Variants in PRX observed in about 807,000 individuals in gnomAD.
PRX encodes the protein periaxin.
In PRX, 24 loss-of-function variants were observed where a neutral mutation model predicts 29.6. The observed-to-expected ratio is 0.81, with a 90% CI of 0.59 to 1.14. The LOEUF is 1.14. Among genes scored for constraint, PRX ranks in the 50% most tolerant of loss-of-function variants. The pLI is 0.00. For synonymous variants in PRX, 772 were observed against 831.7 expected, an observed-to-expected ratio of 0.93 and a Z score of 1.24; for missense variants, 1,838 against 1,926.4, an observed-to-expected ratio of 0.95 and a Z score of 0.86.
intron 1 of PRX, among the ~76,000 whole-genome samples, chr19:40,412,373 A>G (rs968131675): frequency 2.0e-5 from 3 of 152,300 alleles, no homozygotes; most frequent in Non-Finnish European, 2.9e-5. Flanking sequence ...CTGGGGCCTC[A>G]GTTTCTCCAT....
rs566722427 is a variant in PRX, at chr19:40,398,868, G to C, written c.185-52C>G. On this transcript the variant is annotated intron_variant, in intron 5 of 6. Transcript: ENST00000324001. This position sits in a 1 kb window ranked among gnomAD's most constrained non-coding sequence, Gnocchi z 6.3. Reference sequence around the variant, plus strand: ...ACGTGGGCATCTCCCGGCTCCGCCCGGGCCTAGTTCTGCCCACTTGCACGG... The same window carrying C: ...ACGTGGGCATCTCCCGGCTCCGCCCCGGCCTAGTTCTGCCCACTTGCACGG... 6.2e-7 allele frequency: 1 copy of C among 1,612,480 alleles called. No individual in the cohort carries two copies. Among genetic ancestry groups the C allele is most frequent in the East Asian group, 2.2e-5 (1 of 44,812 alleles).
Position 40,408,377 on chromosome 19 carries a change from C to T in PRX, c.-236G>A, listed in dbSNP as rs552436076. 1.7e-3 allele frequency: 513 copies of T among 295,856 alleles called. 4 individuals are homozygous for T. The highest frequency in any genetic ancestry group is 0.01 in the African/African-American group (476 of 46,858). 18.3% of individuals were successfully genotyped at this position (295,856 alleles called of 1,614,324 possible). On this transcript the variant is annotated 5_prime_UTR_variant, in exon 2 of 7. Coordinates refer to ENST00000324001, the MANE Select transcript of PRX (RefSeq NM_181882.3). Reference sequence around the variant, plus strand: ...TCCAGCTCCTTGGGCCTCCTGGGTCCGGCGCTCTAAGAAGAATAATGTGAG... The same window carrying T: ...TCCAGCTCCTTGGGCCTCCTGGGTCTGGCGCTCTAAGAAGAATAATGTGAG...
rs756958051 is a variant in PRX at position 40,395,968 on chromosome 19, A to G, written c.2384T>C (p.Met795Thr). The G allele has an allele frequency of 3.7e-6, 6 of 1,613,892 alleles. No homozygotes were observed. The African/African-American group carries it at 5.3e-5, about 14-fold the overall frequency. ...CTTGGGCATCTTGAAGCCAAATTCC[A>G]TCCCTTCTGCCTGTTCTGCCTTGGT... The part of the protein sequence containing the change: ...KATKAEQAEG[M>T]EFGFKMPKMT... Residue 795 changes from methionine to threonine, a missense_variant, in exon 7 of 7, where the codon ATG (methionine) becomes ACG (threonine). Around this residue, in one of 3 missense-constraint regions of PRX, gnomAD observed 1,143 missense variants for 1,193.0 expected, o/e 0.96. Coordinates refer to ENST00000324001, the MANE Select transcript of PRX (RefSeq NM_181882.3).
chr19:40,397,795 C>A lies in PRX; in HGVS notation c.557G>T (p.Arg186Leu). 1 of 1,577,624 alleles carries A rather than the reference C, an allele frequency of 6.3e-7. No homozygotes were observed. ...ACGCAGCCGAGGCAGCTGGAGGCGCCGGCGGGCAGGGGCAGCCGGGACAGG... is the reference window on the plus strand; with the variant it reads ...ACGCAGCCGAGGCAGCTGGAGGCGCAGGCGGGCAGGGGCAGCCGGGACAGG... Reference protein sequence around the residue: ...KGPVPAAPARRRLQLPRLRVR... With the variant: ...KGPVPAAPARLRLQLPRLRVR... Residue 186 changes from arginine (R) to leucine (L), a missense_variant, in exon 7 of 7, where the codon CGG becomes CTG. This residue lies in a region of PRX where 666 missense variants were observed against 665.0 expected (regional missense o/e 1.00). Transcript: ENST00000324001.
In PRX at chr19:40,394,424, G is replaced by A. The variant is rs751126995; in HGVS notation, c.3928C>T (p.Arg1310Trp). Residue 1310 changes from arginine to tryptophan, a missense_variant, in exon 7 of 7, where the codon CGG becomes TGG. Arg to Trp is a moderately radical substitution (Grantham distance 101, BLOSUM62 -3). This residue lies in a region of PRX where 1,143 missense variants were observed against 1,193.0 expected (regional missense o/e 0.96). Transcript: ENST00000324001. This position sits in a 1 kb window ranked among gnomAD's most constrained non-coding sequence, Gnocchi z 5.8. ...TCCTTGGCCCGCACCAGGCCAAACC[G>A]GGGCAGCCGTACCTTGAGCTTGTGT... is the stretch of plus-strand genomic sequence containing the variant. Reference protein sequence around the residue: ...AGHKLKVRLPRFGLVRAKEGA... With the variant: ...AGHKLKVRLPWFGLVRAKEGA... 12 of 1,601,598 alleles carry A rather than the reference G, an allele frequency of 7.5e-6. No individual in the cohort carries two copies. The highest frequency in any genetic ancestry group is 1.1e-5 in the South Asian group (1 of 89,344).
intron 4 of PRX, among the ~76,000 whole-genome samples, chr19:40,406,994 G>A (rs1024837915): frequency 6.6e-6 from 1 of 151,784 alleles, no homozygotes; most frequent in Non-Finnish European, 1.5e-5. Flanking sequence ...GGCTGGTCCC[G>A]AACTCCTAAC....
chr19:40,399,850 C>CCTTTCTCT (rs1555801713), intron 5 of PRX, among the ~76,000 whole-genome samples: 147 of 119,732 alleles, frequency 1.2e-3, no homozygotes, highest in Non-Finnish European at 2.2e-3. Flanking sequence ...AGCTTTCTTT[C>CCTTTCTCT]CTTTCTTTCT....
Position 40,397,566 on chromosome 19 carries a change from T to G in PRX, c.786A>C (p.Ala262=), listed in dbSNP as rs2079452894. Residue 262 remains alanine, a synonymous_variant, in exon 7 of 7, where the codon GCA becomes GCC. Transcript: ENST00000324001. ...GCAGGTGGAGGGCAAAGCCACCAGC[T>G]GCCTCTGCTGAGGGGGCAGCCTTGG... The part of the protein sequence containing the change: ...SAPKAAPSAE[A]AGGFALHLPT... 2 of 1,540,830 alleles carry G rather than the reference T, an allele frequency of 1.3e-6. No individual in the cohort carries two copies. Among genetic ancestry groups the G allele is most frequent in the Non-Finnish European group, 1.7e-6 (2 of 1,145,682 alleles).
chr19:40,401,381 C>A (rs1269641217), intron 5 of PRX, among the ~76,000 whole-genome samples: 1 of 152,146 alleles, frequency 6.6e-6, no homozygotes, highest in Non-Finnish European at 1.5e-5. Flanking sequence ...CAGCTTCAGT[C>A]TCCTGGGCTC....
intron 5 of PRX, among the ~76,000 whole-genome samples, chr19:40,400,261 C>T (rs1416204044): frequency 2.1e-5 from 3 of 146,074 alleles, no homozygotes. Flanking sequence ...GCATTACAGG[C>T]GTGAGCCACC....
chr19:40,407,949 A>T lies in PRX; in HGVS notation c.-17T>A. 6.2e-7 allele frequency: 1 copy of T among 1,613,658 alleles called. No individual in the cohort carries two copies. Among genetic ancestry groups the T allele is most frequent in the South Asian group, 1.1e-5 (1 of 91,078 alleles). On this transcript the variant is annotated 5_prime_UTR_variant, in exon 4 of 7. Coordinates refer to ENST00000324001, the MANE Select transcript of PRX (RefSeq NM_181882.3). Reference sequence around the variant, plus strand: ...GGCCTCCATGGCGTTGCTGGGAGGCACCTGCACCCCAGGCTCCTGTGTCCT... The same window carrying T: ...GGCCTCCATGGCGTTGCTGGGAGGCTCCTGCACCCCAGGCTCCTGTGTCCT...
In PRX at chr19:40,396,269, T is replaced by C. The variant is rs1037469389; in HGVS notation, c.2083A>G (p.Lys695Glu). The C allele has an allele frequency of 2.5e-6, 4 of 1,611,898 alleles. No homozygotes were observed. The African/African-American group carries it at 5.4e-5, about 22-fold the overall frequency. Residue 695 changes from lysine (K) to glutamate (E), a missense_variant, in exon 7 of 7, where the codon AAG (lysine) becomes GAG (glutamate). Transcript: ENST00000324001. The part of the protein sequence containing the change: ...LPKVSEMKLP[K>E]VPEMAVPDVH... ...TCGGGCACGGCCATTTCAGGCACCT[T>C]GGGGAGTTTCATCTCTGAGACTTTT...
rs143860582 is a variant in PRX at position 40,410,744 on chromosome 19, G to A, written c.-242-2361C>T. ...AAATTAGCCAGGCGTGGCAGCGCGC[G>A]CCTGTAATCCCAGCTACTCGGGAGG... is the stretch of plus-strand genomic sequence containing the variant. On this transcript the variant is annotated intron_variant, in intron 1 of 6. Transcript: ENST00000324001. Among the ~76,000 whole-genome samples the A allele has an allele frequency of 4.1e-3, 629 of 152,256 alleles. 7 individuals are homozygous for A. Among genetic ancestry groups the A allele is most frequent in the African/African-American group, 0.014 (580 of 41,546 alleles).
In PRX at chr19:40,402,774, C is replaced by CAAAAAAAAAA. The variant is rs568158954; in HGVS notation, c.184+922_184+931dup. 1.3e-3 allele frequency among the ~76,000 whole-genome samples: 144 copies of CAAAAAAAAAA among 110,368 alleles called. 2 individuals carry two copies. In the Middle Eastern group the frequency reaches 0.014, roughly 11 times the overall value. The allele number at this position is 110,368 out of a possible 152,430, so 72.4% of individuals were successfully genotyped here. On this transcript the variant is annotated intron_variant, in intron 5 of 6. Transcript: ENST00000324001. ...TGGGCAACAGAGCGAGACTCCGTCT[C>CAAAAAAAAAA]AAAAAAAAAAAAAAATCTCTCCCCA...
chr19:40,393,836 G>C lies in PRX; in HGVS notation c.*130C>G. 7.1e-7 allele frequency: 1 copy of C among 1,415,006 alleles called. No individual in the cohort carries two copies. Among genetic ancestry groups the C allele is most frequent in the Non-Finnish European group, 9.7e-7 (1 of 1,026,650 alleles). 87.7% of individuals were successfully genotyped at this position (1,415,006 alleles called of 1,614,324 possible). On this transcript the variant is annotated 3_prime_UTR_variant, in exon 7 of 7. Transcript: ENST00000324001. ...CACTCCTGCCAGAGAGACAGGAGCA[G>C]GCCTCCCTGCCAGCCCTGGTCAGTC...
intron 5 of PRX, among the ~76,000 whole-genome samples, chr19:40,399,665 G>A (rs2145735233): frequency 6.6e-6 from 1 of 152,220 alleles, no homozygotes; most frequent in Admixed American, 6.5e-5. Context: ...GAGCGTCTCT[G>A]GGAGTTCCTT....
Position 40,398,954 on chromosome 19 carries a change from A to G in PRX, c.185-138T>C. The G allele has an allele frequency of 6.6e-7, 1 of 1,505,044 alleles. No individual in the cohort carries two copies. Among genetic ancestry groups the G allele is most frequent in the Non-Finnish European group, 8.9e-7 (1 of 1,125,160 alleles). 93.2% of individuals were successfully genotyped at this position (1,505,044 alleles called of 1,614,324 possible). On this transcript the variant is annotated intron_variant, in intron 5 of 6. Transcript: ENST00000324001. The surrounding 1 kb of genome is among the most constrained non-coding windows in gnomAD (Gnocchi z 6.3). ...TTCTCCAATCCCCAGCGCAGGATTA[A>G]GTCGCAGTTACGCTAGTCCCCGCCC...
chr19:40,408,592 G>T (rs1181373346), intron 1 of PRX, among the ~76,000 whole-genome samples: 1 of 152,152 alleles, frequency 6.6e-6, no homozygotes, highest in Non-Finnish European at 1.5e-5. Flanking sequence ...CAGAGCCCCC[G>T]TGCCAAAGAT....
At chr19:40,403,118 C>G (rs544878646) in intron 5 of PRX, among the ~76,000 whole-genome samples, 3 of 152,242 alleles carry the variant, frequency 2.0e-5, no homozygotes, top group African/African-American at 7.2e-5. Flanking sequence ...GGCAGTGAGC[C>G]GAGATCGTGC....
Sources: allele counts gnomAD v4.1 joint callset (sites outside exome capture counted in the v4.1 genomes callset), GRCh38; gene constraint gnomAD v4.1.1; regional missense constraint gnomAD v4.1.1; non-coding constraint Gnocchi (gnomAD v3.1); transcripts MANE v1.5; gene names NCBI Gene and HGNC (gene_info 2026-07-23, HGNC 2026-07-21).